NREP: variants seen among roughly 807,000 people sequenced by gnomAD.
NREP encodes the protein neuronal regeneration-related protein.
A neutral mutation model predicts 8.6 loss-of-function variants in NREP; 5 were observed. The observed-to-expected ratio is 0.58, with a 90% CI of 0.30 to 1.22. The LOEUF (loss-of-function observed/expected upper bound fraction) is 1.22, where lower values mean the gene tolerates loss of function less well. NREP is among the 50% of genes most tolerant of loss of function. NREP has a pLI of 0.07. For missense variants in NREP, 86 were observed against 82.5 expected, an observed-to-expected ratio of 1.04 and a Z score of -0.17; for synonymous variants, 27 against 28.0, an observed-to-expected ratio of 0.96 and a Z score of 0.11.
intron 2 of NREP, among the ~76,000 whole-genome samples, chr5:111,770,138 C>G (rs1346219412): frequency 6.6e-6 from 1 of 152,176 alleles, no homozygotes; most frequent in Non-Finnish European, 1.5e-5. Context: ...AAACCTTCTG[C>G]TGGCTTTGCT....
chr5:111,757,486 T>G (rs554882376), upstream of NREP: 2 of 985,038 alleles, frequency 2.0e-6, no homozygotes, highest in South Asian at 9.4e-5. Flanking sequence ...ATGAGCTAAT[T>G]CTGATGGAGC....
chr5:111,739,375 C>G (rs190529929), intron 2 of NREP: 2 of 152,364 alleles, frequency 1.3e-5, no homozygotes, highest in East Asian at 1.9e-4. Context: ...GTAGCCAGGT[C>G]TCCCTGCAGC....
intron 2 of NREP, among the ~76,000 whole-genome samples, chr5:111,937,479 C>T (rs753272162): frequency 2.0e-5 from 3 of 152,060 alleles, no homozygotes; most frequent in Non-Finnish European, 4.4e-5. Context: ...ATACAGCTCT[C>T]AACACTTACC....
intron 2 of NREP, among the ~76,000 whole-genome samples, chr5:111,877,531 T>C (rs1360604578): frequency 1.3e-5 from 2 of 152,202 alleles, no homozygotes. Context: ...GTTGGTTGTG[T>C]TAGTTAATCT....
intron 2 of NREP, among the ~76,000 whole-genome samples, chr5:111,751,911 A>C (rs1193492545): frequency 6.6e-6 from 1 of 152,214 alleles, no homozygotes; most frequent in Non-Finnish European, 1.5e-5. Flanking sequence ...ATTAAAAAAA[A>C]TGTAGGACCA....
chr5:111,942,499 T>C (rs542671837), intron 2 of NREP, among the ~76,000 whole-genome samples: 1 of 152,128 alleles, frequency 6.6e-6, no homozygotes, highest in South Asian at 2.1e-4. Flanking sequence ...CTTTTTTTCA[T>C]TGCAAAGCAG....
exon 1 of NREP, chr5:111,976,846 T>C (rs1756980866): frequency 1.2e-6 from 1 of 806,526 alleles, no homozygotes. Flanking sequence ...CAGCCCATTC[T>C]GATTGTCCAA....
At chr5:111,795,460 A>C (rs1751853510) in intron 2 of NREP, among the ~76,000 whole-genome samples, 1 of 152,216 alleles carries the variant, frequency 6.6e-6, no homozygotes, top group African/African-American at 2.4e-5. Flanking sequence ...CTTAACATCA[A>C]AAGTTTTCCA....
intron 2 of NREP, among the ~76,000 whole-genome samples, chr5:111,965,581 A>G (rs1173209062): frequency 6.6e-6 from 1 of 152,140 alleles, no homozygotes; most frequent in African/African-American, 2.4e-5. Flanking sequence ...CCCTCTGTCT[A>G]TATCCCACCC....
chr5:111,947,791 T>C (rs1756033415), intron 2 of NREP, among the ~76,000 whole-genome samples: 1 of 152,052 alleles, frequency 6.6e-6, no homozygotes, highest in African/African-American at 2.4e-5. Flanking sequence ...GTAGGACATC[T>C]TCGCAAGCAA....
At chr5:111,848,728 T>C (rs542178314) in intron 2 of NREP, among the ~76,000 whole-genome samples, 26 of 146,824 alleles carry the variant, frequency 1.8e-4, no homozygotes, top group Admixed American at 4.8e-4. Context: ...AACCATGGCA[T>C]CCAACGATAT....
At chr5:111,962,013 G>C (rs1001661752) in intron 2 of NREP, among the ~76,000 whole-genome samples, 1 of 152,080 alleles carries the variant, frequency 6.6e-6, no homozygotes, top group Admixed American at 6.6e-5. Context: ...TTCAATTCAG[G>C]CTCCAGTCAA....
chr5:111,950,269 C>T (rs1307480751), intron 2 of NREP, among the ~76,000 whole-genome samples: 2 of 152,058 alleles, frequency 1.3e-5, no homozygotes, highest in East Asian at 1.9e-4. Flanking sequence ...TGATCTTCAA[C>T]AAATCTGACA....
At chr5:111,844,656 T>C (rs1753114094) in intron 2 of NREP, among the ~76,000 whole-genome samples, 1 of 145,522 alleles carries the variant, frequency 6.9e-6, no homozygotes, top group Non-Finnish European at 1.5e-5. Context: ...CTAATATATA[T>C]ATTATATATA....
At chr5:111,877,351 TC>T (rs961098726) in intron 2 of NREP, among the ~76,000 whole-genome samples, 71 of 152,364 alleles carry the variant, frequency 4.7e-4, no homozygotes, top group African/African-American at 1.7e-3. Context: ...ATCATGTTAT[TC>T]ACACTCATGA....
At chr5:111,830,643 G>A (rs75623948) in intron 2 of NREP, among the ~76,000 whole-genome samples, 7,019 of 152,294 alleles carry the variant, frequency 0.046, 557 homozygotes, top group African/African-American at 0.16. Context: ...GAGAAGGTGT[G>A]ATTAGGGGTG....
intron 2 of NREP, among the ~76,000 whole-genome samples, chr5:111,746,432 G>A (rs1750010242): frequency 6.6e-6 from 1 of 152,048 alleles, no homozygotes; most frequent in African/African-American, 2.4e-5. Flanking sequence ...GTAAGAAATG[G>A]AGACTCAGTT....
Position 111,852,950 on chromosome 5 carries a change from G to A in NREP, c.136-117443C>T, listed in dbSNP as rs1021417173. Among the ~76,000 whole-genome samples, 4 of 152,112 alleles carry A rather than the reference G, an allele frequency of 2.6e-5. No individual in the cohort carries two copies. In the South Asian group the frequency reaches 8.3e-4, roughly 32 times the overall value. ...GAGAAGCTTCCTCAAAGGGTTGTTG[G>A]GAGGACTGAAAGAGCTTATTGAAGA... On this transcript the variant is annotated intron_variant, in intron 2 of 3. Transcript: ENST00000395634.
At chr5:111,754,158 C>T (rs1432878210) in intron 2 of NREP, among the ~76,000 whole-genome samples, 1 of 152,188 alleles carries the variant, frequency 6.6e-6, no homozygotes, top group African/African-American at 2.4e-5. Flanking sequence ...TGCCACCATA[C>T]ATAAACGACA....
Sources: allele counts gnomAD v4.1 joint callset (sites outside exome capture counted in the v4.1 genomes callset), GRCh38; gene constraint gnomAD v4.1.1; transcripts MANE v1.5; gene names NCBI Gene and HGNC (gene_info 2026-07-23, HGNC 2026-07-21).